STAU1: variants seen among roughly 807,000 people sequenced by gnomAD.
The protein encoded by STAU1 is double-stranded RNA-binding protein Staufen homolog 1.
Under a neutral mutation model 62.9 loss-of-function variants are expected in STAU1, and 13 were observed. That is an observed-to-expected ratio of 0.21 (90% CI 0.13 to 0.33). The LOEUF (loss-of-function observed/expected upper bound fraction) is 0.33, where lower values mean the gene tolerates loss of function less well. Among genes scored for constraint, STAU1 ranks in the 10% least tolerant of loss-of-function variants. The pLI is 1.00. For missense variants in STAU1, 571 were observed against 712.1 expected, an observed-to-expected ratio of 0.80 and a Z score of 2.25; for synonymous variants, 269 against 265.1, an observed-to-expected ratio of 1.01 and a Z score of -0.14.
intron 5 of STAU1, among the ~76,000 whole-genome samples, chr20:49,141,949 A>G (rs2093016461): frequency 6.6e-6 from 1 of 152,054 alleles, no homozygotes. Flanking sequence ...CAAACTTATA[A>G]GTTTATACTA....
the STAU1 span, among the ~76,000 whole-genome samples, chr20:49,197,113 C>A: frequency 1.3e-5 from 2 of 151,780 alleles, no homozygotes; most frequent in African/African-American, 4.8e-5. Context: ...CGAGATCGCA[C>A]CACTGCACTC....
In STAU1 at chr20:49,166,129, G is replaced by A; in HGVS notation, c.73C>T (p.Gln25Ter). The stretch of plus-strand genomic sequence containing the variant: ...ATCAAAGGCTGTGAGAGAAGAGACT[G>A]GTTCTTGTTCAGTATTTGGCTCCCT... ...LSGSQILNKN[Q>*]SLLSQPLMSI... The change falls in exon 3 of 14, where the codon CAG (glutamine) becomes TAG (stop). Residue 25 changes from glutamine to a stop codon, truncating the protein, a stop_gained. Coordinates refer to ENST00000371856, the MANE Select transcript of STAU1 (RefSeq NM_017453.4). LOFTEE classifies it high-confidence loss of function. The A allele has an allele frequency of 6.2e-7, 1 of 1,614,172 alleles. No individual in the cohort carries two copies. Among genetic ancestry groups the A allele is most frequent in the African/African-American group, 1.3e-5 (1 of 75,042 alleles).
chr20:49,140,176 C>CAA (rs879927630), intron 5 of STAU1, among the ~76,000 whole-genome samples: 1 of 122,948 alleles, frequency 8.1e-6, no homozygotes, highest in Non-Finnish European at 1.7e-5. Flanking sequence ...GACTCCGTCT[C>CAA]AAAAAAAAAA....
chr20:49,140,555 T>TAA (rs773979587), intron 5 of STAU1, among the ~76,000 whole-genome samples: 1 of 149,228 alleles, frequency 6.7e-6, no homozygotes. Context: ...AGCCACACAT[T>TAA]AAAAAAAAAA....
intron 2 of STAU1, among the ~76,000 whole-genome samples, chr20:49,167,119 A>T (rs2093537464): frequency 6.6e-6 from 1 of 152,198 alleles, no homozygotes; most frequent in African/African-American, 2.4e-5. Flanking sequence ...ATTACTTCTA[A>T]ATACATTAAA....
intron 4 of STAU1, among the ~76,000 whole-genome samples, chr20:49,153,535 G>A (rs1404242273): frequency 2.1e-5 from 3 of 145,128 alleles, no homozygotes; most frequent in Admixed American, 7.0e-5. Flanking sequence ...GCAAAACCCC[G>A]TCTCTACTAA....
At chr20:49,133,504 C>T (rs368211348) in intron 6 of STAU1, among the ~76,000 whole-genome samples, 29 of 152,232 alleles carry the variant, frequency 1.9e-4, no homozygotes, top group Non-Finnish European at 3.2e-4. Context: ...AAACAGGTGC[C>T]GGGGGAGACC....
intron 3 of STAU1, among the ~76,000 whole-genome samples, chr20:49,157,780 T>C (rs896193773): frequency 6.6e-6 from 1 of 151,234 alleles, no homozygotes; most frequent in Non-Finnish European, 1.5e-5. Context: ...GCCCGGCCCA[T>C]ACCTGGGTAA....
intron 1 of STAU1, among the ~76,000 whole-genome samples, chr20:49,187,285 G>A (rs1402177237): frequency 6.6e-6 from 1 of 152,138 alleles, no homozygotes; most frequent in African/African-American, 2.4e-5. Context: ...TTGCCTAAGC[G>A]GAGATGGAAA....
upstream of STAU1, among the ~76,000 whole-genome samples, chr20:49,189,184 CAA>C (rs1372292102): frequency 1.1e-5 from 1 of 94,920 alleles, no homozygotes; most frequent in Non-Finnish European, 2.0e-5. Flanking sequence ...GCCTTGGCGA[CAA>C]AGAGACACTG....
chr20:49,172,246 C>A (rs2093606605), intron 2 of STAU1, among the ~76,000 whole-genome samples: 1 of 152,202 alleles, frequency 6.6e-6, no homozygotes, highest in South Asian at 2.1e-4. Flanking sequence ...ACCCATCACA[C>A]CATGCTAAAG....
chr20:49,157,824 T>C (rs989687573), intron 3 of STAU1, among the ~76,000 whole-genome samples: 1 of 151,998 alleles, frequency 6.6e-6, no homozygotes, highest in African/African-American at 2.4e-5. Context: ...GGTCTCCCTA[T>C]GTTGCCTAGG....
chr20:49,159,202 G>A (rs2093413394), intron 3 of STAU1: 1 of 1,029,790 alleles, frequency 9.7e-7, no homozygotes. Context: ...CCTTTCTCTA[G>A]GACTTTCCCC....
intron 1 of STAU1, among the ~76,000 whole-genome samples, chr20:49,181,240 T>C (rs996669521): frequency 2.0e-5 from 3 of 152,226 alleles, no homozygotes; most frequent in African/African-American, 7.2e-5. Flanking sequence ...ACCTTTTAAT[T>C]CCTTTTCTGC....
chr20:49,198,281 C>T, the STAU1 span, among the ~76,000 whole-genome samples: 2 of 151,888 alleles, frequency 1.3e-5, no homozygotes, highest in Non-Finnish European at 2.9e-5. Context: ...TTTGGGAGGC[C>T]GAGGTGGGCA....
chr20:49,118,888 C>A (rs985669522), intron 9 of STAU1, among the ~76,000 whole-genome samples: 6 of 152,294 alleles, frequency 3.9e-5, no homozygotes, highest in Admixed American at 6.5e-5. Context: ...TTTTGTCTAA[C>A]ACAACATCAC....
At chr20:49,118,163 C>T in intron 10 of STAU1, 67 bp from the exon 11 acceptor site, 1 of 1,514,704 alleles carries the variant, frequency 6.6e-7, no homozygotes, top group Non-Finnish European at 9.1e-7. Context: ...ATGACACCAT[C>T]AAACCCCACG....
chr20:49,170,776 T>G (rs1331761922), intron 2 of STAU1, among the ~76,000 whole-genome samples: 1 of 143,448 alleles, frequency 7.0e-6, no homozygotes, highest in Non-Finnish European at 1.5e-5. Flanking sequence ...CCAAACAAGA[T>G]GTGTCTGGGA....
At chr20:49,175,852 T>C (rs917923979) in intron 1 of STAU1, among the ~76,000 whole-genome samples, 1 of 140,986 alleles carries the variant, frequency 7.1e-6, no homozygotes, top group African/African-American at 2.7e-5. Flanking sequence ...TGGAGTGCAG[T>C]GGCGCAATCT....
Sources: gnomAD v4.1 joint callset for allele counts (sites outside exome capture counted in the v4.1 genomes callset) on GRCh38, gnomAD v4.1.1 for gene constraint, MANE v1.5 for transcripts, NCBI Gene and HGNC (gene_info 2026-07-23, HGNC 2026-07-21) for gene names.